RALGAPA1: variants seen among roughly 807,000 people sequenced by gnomAD.
RALGAPA1 encodes Ral GTPase activating protein catalytic subunit alpha 1, also known as ral GTPase-activating protein subunit alpha-1.
In RALGAPA1, 52 loss-of-function variants were observed where a neutral mutation model predicts 269.6. That is an observed-to-expected ratio of 0.19 (90% confidence interval 0.15 to 0.24). The LOEUF (loss-of-function observed/expected upper bound fraction) is 0.24, where lower values mean the gene tolerates loss of function less well. Among genes scored for constraint, RALGAPA1 ranks in the 10% least tolerant of loss-of-function variants. The pLI, the probability that RALGAPA1 is intolerant of heterozygous loss-of-function variation, is 1.00. For missense variants in RALGAPA1, 1,917 were observed against 3,013.9 expected (o/e 0.64, Z 8.52); for synonymous variants, 817 against 1,008.3 (o/e 0.81, Z 3.60).
At chr14:35,665,196 A>G (rs995969106) in intron 26 of RALGAPA1, among the ~76,000 whole-genome samples, 5 of 152,218 alleles carry the variant, frequency 3.3e-5, no homozygotes, top group Non-Finnish European at 5.9e-5. Flanking sequence ...TATATGAAAG[A>G]GGAACCAATC....
At chr14:35,622,368 A>T (rs2060688237) in intron 35 of RALGAPA1, among the ~76,000 whole-genome samples, 1 of 149,798 alleles carries the variant, frequency 6.7e-6, no homozygotes, top group Non-Finnish European at 1.5e-5. Flanking sequence ...CTGTTGGGGG[A>T]TTGGGGGCTG....
At chr14:35,750,783 T>TA in intron 8 of RALGAPA1, 93 bp from the exon 9 acceptor site, 1 of 1,073,554 alleles carries the variant, frequency 9.3e-7, no homozygotes, top group Non-Finnish European at 1.3e-6. Flanking sequence ...AAAATATTGT[T>TA]ATGCTACTCT....
At chr14:35,779,843 G>A (rs2075311457) in intron 1 of RALGAPA1, among the ~76,000 whole-genome samples, 1 of 152,140 alleles carries the variant, frequency 6.6e-6, no homozygotes, top group Non-Finnish European at 1.5e-5. Flanking sequence ...TCAAAATTAG[G>A]CTGGGCGCAG....
intron 35 of RALGAPA1, among the ~76,000 whole-genome samples, chr14:35,614,466 A>C (rs1433527414): frequency 1.3e-5 from 2 of 152,148 alleles, no homozygotes; most frequent in Non-Finnish European, 2.9e-5. Flanking sequence ...TGCCACAAAA[A>C]CCCACATATT....
intron 4 of RALGAPA1, chr14:35,765,745 CT>C: frequency 2.7e-6 from 1 of 375,012 alleles, no homozygotes; most frequent in Non-Finnish European, 5.0e-6. Flanking sequence ...ATCCACCCAC[CT>C]TGGCCTCTCA....
rs1171995245 is a variant in RALGAPA1 at position 35,732,071 on chromosome 14, GC to G, written c.1588-3562del. Among the ~76,000 whole-genome samples, 10 of 152,266 alleles carry G rather than the reference GC, an allele frequency of 6.6e-5. No individual in the cohort carries two copies. The East Asian group carries it at 9.6e-4, about 15-fold the overall frequency. On this transcript the variant is annotated intron_variant, in intron 12 of 41. Coordinates refer to ENST00000680220, the MANE Select transcript of RALGAPA1 (RefSeq NM_001346249.2). The stretch of plus-strand genomic sequence containing the variant: ...ACCCTACAGGCTAGAAGGGATTGGA[GC>G]CTTATCCTCAGCCTCCTCAAACAAA...
At chr14:35,554,090 T>G (rs1055191376) in intron 39 of RALGAPA1, among the ~76,000 whole-genome samples, 4 of 152,068 alleles carry the variant, frequency 2.6e-5, no homozygotes, top group African/African-American at 9.7e-5. Flanking sequence ...TAAAAAAAAT[T>G]TTTGGTGAGT....
At chr14:35,553,663 C>T (rs942825753) in intron 39 of RALGAPA1, among the ~76,000 whole-genome samples, 23 of 151,756 alleles carry the variant, frequency 1.5e-4, no homozygotes, top group African/African-American at 4.6e-4. Context: ...TATATGTATG[C>T]GTATACATAT....
chr14:35,635,300 T>C (rs1206136438), intron 32 of RALGAPA1, among the ~76,000 whole-genome samples, 164 bp downstream of exon 32: 1 of 152,206 alleles, frequency 6.6e-6, no homozygotes, highest in East Asian at 1.9e-4. Context: ...AACGGTGTCT[T>C]GTAGGAAGCA....
intron 6 of RALGAPA1, among the ~76,000 whole-genome samples, chr14:35,760,080 G>A (rs889520647): frequency 6.6e-6 from 1 of 152,016 alleles, no homozygotes; most frequent in African/African-American, 2.4e-5. Context: ...CATTTTCACA[G>A]TCATCTAATG....
chr14:35,578,440 T>A (rs1041139781), intron 37 of RALGAPA1, among the ~76,000 whole-genome samples: 16 of 152,230 alleles, frequency 1.1e-4, no homozygotes, highest in African/African-American at 3.9e-4. Context: ...TCACACTTAG[T>A]AAAAAACACT....
intron 6 of RALGAPA1, among the ~76,000 whole-genome samples, chr14:35,757,483 C>A (rs1048702839): frequency 1.3e-5 from 2 of 152,062 alleles, no homozygotes; most frequent in African/African-American, 4.8e-5. Flanking sequence ...AAGGGATGGA[C>A]AGACAAATAA....
At chr14:35,752,297 A>T (rs1285964626) in intron 7 of RALGAPA1, 135 bp from the exon 8 acceptor site, 1 of 1,015,186 alleles carries the variant, frequency 9.9e-7, no homozygotes, top group East Asian at 3.1e-5. Context: ...GATACATAGC[A>T]TAAGGACAAA....
chr14:35,657,343 G>A (rs1366616427), intron 28 of RALGAPA1, among the ~76,000 whole-genome samples: 6 of 151,508 alleles, frequency 4.0e-5, no homozygotes, highest in South Asian at 2.1e-4. Flanking sequence ...GGCACGCTAC[G>A]ACACCTGGCT....
intron 41 of RALGAPA1, among the ~76,000 whole-genome samples, chr14:35,540,180 A>C (rs537141037): frequency 6.6e-6 from 1 of 152,304 alleles, no homozygotes; most frequent in Non-Finnish European, 1.5e-5. Context: ...CTTATAAACA[A>C]AACAAAACAA....
chr14:35,701,916 T>A (rs1352042376), intron 16 of RALGAPA1, among the ~76,000 whole-genome samples: 1 of 152,190 alleles, frequency 6.6e-6, no homozygotes, highest in Non-Finnish European at 1.5e-5. Context: ...CCCAAAGTAC[T>A]GAGATTACAT....
intron 16 of RALGAPA1, among the ~76,000 whole-genome samples, chr14:35,715,121 T>C (rs2068700502): frequency 6.6e-6 from 1 of 152,312 alleles, no homozygotes; most frequent in African/African-American, 2.4e-5. Flanking sequence ...ACTCATAGCT[T>C]TAATAAATTC....
At chr14:35,698,011 C>G (rs751744389) in intron 17 of RALGAPA1, among the ~76,000 whole-genome samples, 75 of 152,228 alleles carry the variant, frequency 4.9e-4, no homozygotes, top group South Asian at 2.5e-3. Context: ...TGTATTTTTG[C>G]ATATGCTTTT....
At chr14:35,645,389 G>GTA (rs1555387902) in intron 31 of RALGAPA1, among the ~76,000 whole-genome samples, 2 of 141,256 alleles carry the variant, frequency 1.4e-5, no homozygotes, top group Admixed American at 1.4e-4. Context: ...GTGTGTGTGT[G>GTA]TATATGTTAT....
Sources: allele counts gnomAD v4.1 joint callset (sites outside exome capture counted in the v4.1 genomes callset), GRCh38; gene constraint gnomAD v4.1.1; transcripts MANE v1.5; gene names NCBI Gene and HGNC (gene_info 2026-07-23, HGNC 2026-07-21).